EEFSEC: variants seen among roughly 807,000 people sequenced by gnomAD.
EEFSEC encodes eukaryotic elongation factor, selenocysteine-tRNA specific, also known as selenocysteine-specific elongation factor.
EEFSEC carries 43 observed loss-of-function variants against 42.1 expected under a neutral mutation model. The ratio of observed to expected loss-of-function variants is 1.02; its 90% CI spans 0.80 to 1.32. The LOEUF (loss-of-function observed/expected upper bound fraction) is 1.32. Among genes scored for constraint, EEFSEC ranks in the 40% most tolerant of loss-of-function variants. The probability of loss-of-function intolerance (pLI) is 0.00; values close to 1 mark genes in which losing one functional copy is unlikely to be tolerated. For synonymous variants in EEFSEC, 354 were observed against 339.1 expected, an observed-to-expected ratio of 1.04 and a Z score of -0.48; for missense variants, 745 against 803.6, an observed-to-expected ratio of 0.93 and a Z score of 0.88.
At chr3:128,382,348 C>G (rs1478294767) in intron 6 of EEFSEC, among the ~76,000 whole-genome samples, 1 of 152,234 alleles carries the variant, frequency 6.6e-6, no homozygotes, top group Non-Finnish European at 1.5e-5. Context: ...CAACCCTATG[C>G]CCTCGTCTCA....
intron 6 of EEFSEC, among the ~76,000 whole-genome samples, chr3:128,391,359 A>G (rs934798791): frequency 8.5e-5 from 13 of 152,252 alleles, no homozygotes; most frequent in Admixed American, 3.3e-4. Context: ...CCCCAGAGGC[A>G]GAAGAGCCCC....
chr3:128,245,965 G>A (rs1328827071), intron 1 of EEFSEC, among the ~76,000 whole-genome samples: 2 of 152,086 alleles, frequency 1.3e-5, no homozygotes, highest in African/African-American at 4.8e-5. Flanking sequence ...TGCTTCATGG[G>A]CATTCTTATA....
chr3:128,284,887 G>A (rs1443121431), intron 4 of EEFSEC, among the ~76,000 whole-genome samples: 1 of 151,682 alleles, frequency 6.6e-6, no homozygotes, highest in Non-Finnish European at 1.5e-5. Flanking sequence ...TTAACCTTAA[G>A]CGTTTAACCA....
chr3:128,343,472 G>T (rs1359180927), intron 5 of EEFSEC, among the ~76,000 whole-genome samples: 1 of 152,134 alleles, frequency 6.6e-6, no homozygotes, highest in Non-Finnish European at 1.5e-5. Context: ...GGCCGCTGGG[G>T]CCTGCTCAGG....
Position 128,190,644 on chromosome 3 carries a change from A to G in EEFSEC, c.316+36821A>G, listed in dbSNP as rs188796466. The stretch of plus-strand genomic sequence containing the variant: ...TAAATTTAGTGTTGTCTAAGTGTCC[A>G]TTGTTTGTAGAGCCTACAGGAGTGC... On this transcript the variant is annotated intron_variant, in intron 1 of 6. Coordinates refer to ENST00000254730, the MANE Select transcript of EEFSEC (RefSeq NM_021937.5). Among the ~76,000 whole-genome samples the G allele has an allele frequency of 1.2e-4, 19 of 152,296 alleles. 1 individual carries two copies. In the East Asian group the frequency reaches 3.3e-3, roughly 26 times the overall value.
chr3:128,423,596 G>A, the EEFSEC span, among the ~76,000 whole-genome samples: 1 of 152,252 alleles, frequency 6.6e-6, no homozygotes, highest in African/African-American at 2.4e-5. Context: ...GCCACATAAT[G>A]TGTGATTCCA....
chr3:128,304,007 T>C (rs2066798735), intron 4 of EEFSEC, among the ~76,000 whole-genome samples: 1 of 152,116 alleles, frequency 6.6e-6, no homozygotes, highest in Non-Finnish European at 1.5e-5. Flanking sequence ...TGTTGTCTTA[T>C]TGATCTGTTC....
intron 4 of EEFSEC, among the ~76,000 whole-genome samples, chr3:128,336,427 AT>A (rs764579934): frequency 3.3e-5 from 5 of 152,082 alleles, no homozygotes; most frequent in Non-Finnish European, 7.4e-5. Flanking sequence ...TGGCAGTGTC[AT>A]TCCTCTGCCA....
intron 6 of EEFSEC, among the ~76,000 whole-genome samples, chr3:128,360,719 G>A (rs1262280738): frequency 1.3e-5 from 2 of 151,656 alleles, no homozygotes; most frequent in African/African-American, 4.8e-5. Flanking sequence ...GGAGCCTCTC[G>A]GGGTGCTGGG....
intron 1 of EEFSEC, among the ~76,000 whole-genome samples, chr3:128,209,049 G>C (rs2065728798): frequency 6.6e-6 from 1 of 152,250 alleles, no homozygotes; most frequent in East Asian, 1.9e-4. Context: ...TCAGATCAGG[G>C]GAAAGGAGAA....
In EEFSEC at chr3:128,329,727, G is replaced by A. The variant is rs139848331; in HGVS notation, c.787-11506G>A. On this transcript the variant is annotated intron_variant, in intron 4 of 6. Transcript: ENST00000254730. ...GGAGTGCTCAGGAGCCAGCCAGATG[G>A]CCACAGGCCTGTGTGCCCATCCAGC... Among the ~76,000 whole-genome samples, 941 of 152,356 alleles carry A rather than the reference G, an allele frequency of 6.2e-3. 8 individuals are homozygous for A. Among genetic ancestry groups the A allele is most frequent in the African/African-American group, 0.021 (882 of 41,586 alleles).
intron 4 of EEFSEC, among the ~76,000 whole-genome samples, chr3:128,313,374 C>A (rs111629335): frequency 2.0e-4 from 31 of 152,374 alleles, no homozygotes; most frequent in African/African-American, 6.5e-4. Context: ...CTGGTCGATG[C>A]AGCTTTGTGC....
chr3:128,311,709 T>G (rs2066891958), intron 4 of EEFSEC, among the ~76,000 whole-genome samples: 1 of 152,192 alleles, frequency 6.6e-6, no homozygotes, highest in South Asian at 2.1e-4. Flanking sequence ...CTTTTCAGAG[T>G]GTTTCTGAGC....
chr3:128,310,944 T>C (rs2066883767), intron 4 of EEFSEC, among the ~76,000 whole-genome samples: 1 of 152,190 alleles, frequency 6.6e-6, no homozygotes, highest in African/African-American at 2.4e-5. Flanking sequence ...AGGCCTTCTA[T>C]TGATGCAACA....
At chr3:128,283,721 C>T (rs1010901924) in intron 4 of EEFSEC, among the ~76,000 whole-genome samples, 6 of 152,150 alleles carry the variant, frequency 3.9e-5, no homozygotes, top group Admixed American at 2.0e-4. Flanking sequence ...CAGTCCACAC[C>T]TTGGCAGAAC....
At chr3:128,335,737 C>CG (rs1482432183) in intron 4 of EEFSEC, among the ~76,000 whole-genome samples, 6 of 151,902 alleles carry the variant, frequency 3.9e-5, no homozygotes, top group Non-Finnish European at 2.9e-5. Context: ...GAACAGGCTG[C>CG]GGGGGAGGGG....
intron 1 of EEFSEC, among the ~76,000 whole-genome samples, chr3:128,161,454 G>A (rs759597300): frequency 6.6e-6 from 1 of 152,054 alleles, no homozygotes; most frequent in Non-Finnish European, 1.5e-5. Flanking sequence ...GCTACTTGTC[G>A]CCTGGACCTC....
intron 1 of EEFSEC, among the ~76,000 whole-genome samples, chr3:128,190,366 A>G (rs62271746): frequency 1.4e-3 from 206 of 152,346 alleles, no homozygotes; most frequent in Middle Eastern, 0.01. Context: ...GGCCTAGGCT[A>G]ATGTGCATGT....
chr3:128,414,043 A>C, the EEFSEC span, among the ~76,000 whole-genome samples: 3 of 152,248 alleles, frequency 2.0e-5, no homozygotes, highest in Non-Finnish European at 2.9e-5. Flanking sequence ...GCCTGTCTTC[A>C]CTGCCATCTG....
Sources: allele counts gnomAD v4.1 joint callset (sites outside exome capture counted in the v4.1 genomes callset), GRCh38; gene constraint gnomAD v4.1.1; transcripts MANE v1.5; gene names NCBI Gene and HGNC (gene_info 2026-07-23, HGNC 2026-07-21).